Variants in FIGN observed in about 807,000 individuals in gnomAD.
The protein encoded by FIGN is fidgetin.
A neutral mutation model predicts 51.3 loss-of-function variants in FIGN; 11 were observed. The ratio of observed to expected loss-of-function variants is 0.21; its 90% CI spans 0.13 to 0.35. The LOEUF (loss-of-function observed/expected upper bound fraction) is 0.35, where lower values mean the gene tolerates loss of function less well. Ranked by LOEUF, FIGN falls within the 10% of genes least tolerant of loss-of-function variation. FIGN has a pLI of 1.00. For synonymous variants in FIGN, 407 were observed against 363.2 expected, an observed-to-expected ratio of 1.12 and a Z score of -1.37; for missense variants, 857 against 943.6, an observed-to-expected ratio of 0.91 and a Z score of 1.20.
chr2:163,686,277 T>A (rs1388137273), intron 2 of FIGN, among the ~76,000 whole-genome samples: 1 of 152,194 alleles, frequency 6.6e-6, no homozygotes, highest in Non-Finnish European at 1.5e-5. Context: ...CTCATGACAG[T>A]TTTATCCTAG....
intron 2 of FIGN, 112 bp from the exon 3 acceptor site, chr2:163,611,918 ACT>A: frequency 4.1e-6 from 2 of 482,548 alleles, no homozygotes; most frequent in South Asian, 8.5e-5. Flanking sequence ...TGATATGCAT[ACT>A]TTAAAAGATC....
intron 2 of FIGN, among the ~76,000 whole-genome samples, chr2:163,656,250 T>A (rs138412821): frequency 6.6e-6 from 1 of 152,282 alleles, no homozygotes; most frequent in Non-Finnish European, 1.5e-5. Context: ...TCCTGGATGC[T>A]AATGAATGAT....
intron 2 of FIGN, among the ~76,000 whole-genome samples, chr2:163,734,614 C>T (rs1553504589): frequency 7.0e-6 from 1 of 143,058 alleles, no homozygotes; most frequent in Non-Finnish European, 1.5e-5. Context: ...TACTATTTGA[C>T]TTCAGCAGTT....
intron 2 of FIGN, among the ~76,000 whole-genome samples, chr2:163,720,982 A>G (rs1189778182): frequency 6.6e-6 from 1 of 151,928 alleles, no homozygotes; most frequent in Admixed American, 6.6e-5. Flanking sequence ...AAATAAATAA[A>G]TAAGTAAATA....
chr2:163,655,672 C>T (rs960524072), intron 2 of FIGN, among the ~76,000 whole-genome samples: 1 of 152,116 alleles, frequency 6.6e-6, no homozygotes, highest in Admixed American at 6.6e-5. Context: ...TGCTATCTCT[C>T]TCCCACATAT....
chr2:163,733,987 G>C (rs1235697278), intron 2 of FIGN, among the ~76,000 whole-genome samples: 1 of 148,646 alleles, frequency 6.7e-6, no homozygotes, highest in Non-Finnish European at 1.5e-5. Context: ...CATATCCTTT[G>C]GTTATGCAAA....
Position 163,610,917 on chromosome 2 carries a change from C to T in FIGN, c.915G>A (p.Pro305=), listed in dbSNP as rs187422879. 2.3e-3 allele frequency: 3,727 copies of T among 1,610,650 alleles called. 11 individuals are homozygous for T. Among genetic ancestry groups the T allele is most frequent in the South Asian group, 3.3e-3 (301 of 91,006 alleles). Residue 305 remains proline, a synonymous_variant, in exon 3 of 3, where the codon CCG becomes CCA. Coordinates refer to ENST00000333129, the MANE Select transcript of FIGN (RefSeq NM_018086.4). ...YQGHGLTPIA[P]SALTNSSASS... ...TTGCTGAACTGTTTGTCAGAGCCGA[C>T]GGTGCAATAGGTGTCAAACCATGGC...
Position 163,610,590 on chromosome 2 carries a change from T to C in FIGN, c.1242A>G (p.Arg414=), listed in dbSNP as rs528606376. ...TGTACTTCCCAAAGGATTCACTGGA[T>C]CTTGATCCCAATGAATTTTTAGCAG... The part of the protein sequence containing the change: ...YSTAKNSLGS[R]SSESFGKYTS... Residue 414 remains arginine, a synonymous_variant, in exon 3 of 3, where the codon AGA becomes AGG. Transcript: ENST00000333129. 1.2e-5 allele frequency: 20 copies of C among 1,614,178 alleles called. No individual in the cohort carries two copies. In the South Asian group the frequency reaches 1.9e-4, roughly 15 times the overall value.
In FIGN at chr2:163,680,686, A is replaced by G. The variant is rs60411087; in HGVS notation, c.25+54217T>C. On this transcript the variant is annotated intron_variant, in intron 2 of 2. Coordinates refer to ENST00000333129, the MANE Select transcript of FIGN (RefSeq NM_018086.4). ...ATATTCTTCAGAGGTCAGATAAACC[A>G]TCGCCTCTCTGTGCTTCCCCCCAAT... Among the ~76,000 whole-genome samples the G allele has an allele frequency of 2.7e-3, 407 of 152,178 alleles. 1 individual carries two copies. Among genetic ancestry groups the G allele is most frequent in the African/African-American group, 9.4e-3 (392 of 41,504 alleles).
intron 2 of FIGN, among the ~76,000 whole-genome samples, chr2:163,683,249 A>G (rs529327954): frequency 6.6e-6 from 1 of 152,320 alleles, no homozygotes; most frequent in South Asian, 2.1e-4. Context: ...GTGTTGCAAT[A>G]GGAAATATAA....
Position 163,606,104 on chromosome 2 carries a change from C to G in FIGN, c.*3448G>C, listed in dbSNP as rs1330013627. The G allele has an allele frequency of 6.6e-6, 1 of 152,012 alleles. No homozygotes were observed. Among genetic ancestry groups the G allele is most frequent in the African/African-American group, 2.4e-5 (1 of 41,412 alleles). 9.4% of individuals were successfully genotyped at this position (152,012 alleles called of 1,614,324 possible). A position where few individuals can be genotyped will look rare whatever the true frequency, so the allele number is the denominator to read the frequency against. ...ATGCACAAGAAAACATTATACCCGT[C>G]TATCTGCATTTGAGTAGAATACAAA... On this transcript the variant is annotated 3_prime_UTR_variant, in exon 3 of 3. Coordinates refer to ENST00000333129, the MANE Select transcript of FIGN (RefSeq NM_018086.4).
chr2:163,690,958 C>A (rs1199106276), intron 2 of FIGN, among the ~76,000 whole-genome samples: 4 of 151,982 alleles, frequency 2.6e-5, no homozygotes, highest in African/African-American at 9.7e-5. Flanking sequence ...CAGATTTTAC[C>A]AGACAGTATG....
chr2:163,721,035 C>A (rs1453416078), intron 2 of FIGN, among the ~76,000 whole-genome samples: 2 of 152,030 alleles, frequency 1.3e-5, no homozygotes, highest in East Asian at 3.9e-4. Flanking sequence ...AGAAGGCAGA[C>A]AACAAAATAA....
At chr2:163,695,524 C>G (rs994141658) in intron 2 of FIGN, among the ~76,000 whole-genome samples, 1 of 151,998 alleles carries the variant, frequency 6.6e-6, no homozygotes, top group African/African-American at 2.4e-5. Flanking sequence ...TGCAAAATAT[C>G]TTACACACAC....
intron 2 of FIGN, among the ~76,000 whole-genome samples, chr2:163,717,989 A>C (rs904863164): frequency 2.0e-5 from 3 of 152,146 alleles, no homozygotes; most frequent in African/African-American, 7.2e-5. Context: ...AGATGCTGTC[A>C]GTCAGAACAA....
intron 2 of FIGN, among the ~76,000 whole-genome samples, chr2:163,622,313 C>T (rs574549484): frequency 1.4e-4 from 21 of 151,934 alleles, no homozygotes; most frequent in Middle Eastern, 3.4e-3. Flanking sequence ...CCAGCCTCGG[C>T]GACACGGTAA....
At chr2:163,655,785 G>GCA (rs375367199) in intron 2 of FIGN, among the ~76,000 whole-genome samples, 5,228 of 143,892 alleles carry the variant, frequency 0.036, 288 homozygotes, top group East Asian at 0.2. Context: ...ACACACACAC[G>GCA]CACACACACA....
chr2:163,713,283 A>C (rs1467450176), intron 2 of FIGN, among the ~76,000 whole-genome samples: 1 of 152,170 alleles, frequency 6.6e-6, no homozygotes. Flanking sequence ...GTTCTTTTAA[A>C]CCTTAGTGAA....
At chr2:163,719,923 T>G (rs1684728019) in intron 2 of FIGN, among the ~76,000 whole-genome samples, 1 of 152,220 alleles carries the variant, frequency 6.6e-6, no homozygotes, top group Non-Finnish European at 1.5e-5. Flanking sequence ...GATCAAAGTT[T>G]CTAGAAGCAA....
Sources: gnomAD v4.1 joint callset for allele counts (sites outside exome capture counted in the v4.1 genomes callset) on GRCh38, gnomAD v4.1.1 for gene constraint, MANE v1.5 for transcripts, NCBI Gene and HGNC (gene_info 2026-07-23, HGNC 2026-07-21) for gene names.